BACE1: variants seen among roughly 807,000 people sequenced by gnomAD.
BACE1 encodes APP beta-secretase.
In BACE1, 21 loss-of-function variants were observed where a neutral mutation model predicts 54.0. That is an observed-to-expected ratio of 0.39 (90% CI 0.28 to 0.56). The LOEUF is 0.56. Among genes scored for constraint, BACE1 ranks in the 20% least tolerant of loss-of-function variants. The probability of loss-of-function intolerance (pLI) is 0.63; values close to 1 mark genes in which losing one functional copy is unlikely to be tolerated. For missense variants in BACE1, 511 were observed against 661.2 expected, an observed-to-expected ratio of 0.77 and a Z score of 2.49; for synonymous variants, 232 against 260.9, an observed-to-expected ratio of 0.89 and a Z score of 1.07.
chr11:117,289,226 AAAG>A lies in BACE1; in HGVS notation c.*337_*339del, dbSNP rs1434493208. 77 of 261,750 alleles carry A rather than the reference AAAG, an allele frequency of 2.9e-4. No homozygotes were observed. Among genetic ancestry groups the A allele is most frequent in the South Asian group, 7.7e-4 (11 of 14,322 alleles). 16.2% of individuals were successfully genotyped at this position (261,750 alleles called of 1,614,324 possible). Reference sequence around the variant, plus strand: ...GATGCCAGTACTTCTGAAACTAAGAAAAGAAGAATACTTTGGGTTGGAGAATTT... The same window carrying A: ...GATGCCAGTACTTCTGAAACTAAGAAAAGAATACTTTGGGTTGGAGAATTT... On this transcript the variant is annotated 3_prime_UTR_variant, in exon 9 of 9. Coordinates refer to ENST00000313005, the MANE Select transcript of BACE1 (RefSeq NM_012104.6).
At chr11:117,301,559 T>C (rs2034726266) in intron 1 of BACE1, among the ~76,000 whole-genome samples, 2 of 151,180 alleles carry the variant, frequency 1.3e-5, no homozygotes, top group Non-Finnish European at 2.9e-5. Flanking sequence ...CAGTGAACCA[T>C]GATTGTGCCA....
intron 6 of BACE1, 104 bp downstream of exon 6, chr11:117,291,608 A>G: frequency 1.2e-6 from 1 of 805,032 alleles, no homozygotes; most frequent in Non-Finnish European, 2.1e-6. Flanking sequence ...TCTGAGTAGA[A>G]GGGTCTAAGT....
intron 5 of BACE1, 194 bp from the exon 6 acceptor site, chr11:117,292,007 A>G (rs2034453820): frequency 2.3e-6 from 1 of 439,266 alleles, no homozygotes; most frequent in African/African-American, 2.0e-5. Context: ...AATAGCACCT[A>G]CCTCAAAGGG....
intron 1 of BACE1, among the ~76,000 whole-genome samples, chr11:117,311,507 C>A (rs1460594724): frequency 6.6e-6 from 1 of 152,148 alleles, no homozygotes; most frequent in Non-Finnish European, 1.5e-5. Flanking sequence ...CCTGCCCTGG[C>A]ACGTTCTCTG....
intron 1 of BACE1, among the ~76,000 whole-genome samples, chr11:117,299,078 C>T (rs1034327133): frequency 1.1e-4 from 16 of 152,162 alleles, no homozygotes; most frequent in African/African-American, 3.9e-4. Flanking sequence ...AGTGCTGAGG[C>T]GTGAGCTACC....
chr11:117,307,372 CAT>C, intron 1 of BACE1, among the ~76,000 whole-genome samples: 2 of 152,280 alleles, frequency 1.3e-5, no homozygotes, highest in African/African-American at 4.8e-5. Flanking sequence ...AGTGCAGTGG[CAT>C]GATGTTGGCT....
At chr11:117,302,105 G>A (rs1014697842) in intron 1 of BACE1, among the ~76,000 whole-genome samples, 36 of 152,092 alleles carry the variant, frequency 2.4e-4, no homozygotes, top group Non-Finnish European at 1.8e-4. Flanking sequence ...AGGCTGAGGT[G>A]GTTGGATCAC....
At chr11:117,309,387 A>C (rs1400658358) in intron 1 of BACE1, among the ~76,000 whole-genome samples, 1 of 152,172 alleles carries the variant, frequency 6.6e-6, no homozygotes, top group Non-Finnish European at 1.5e-5. Context: ...TTCTCACCAC[A>C]GTTCACGCTT....
chr11:117,298,163 G>A (rs769702361), intron 1 of BACE1, among the ~76,000 whole-genome samples: 11 of 152,038 alleles, frequency 7.2e-5, no homozygotes, highest in Non-Finnish European at 1.6e-4. Flanking sequence ...TTAGCCGGGT[G>A]TGGTGACGCA....
chr11:117,299,504 T>G (rs1055618558), intron 1 of BACE1: 7 of 278,498 alleles, frequency 2.5e-5, no homozygotes, highest in African/African-American at 1.6e-4. Flanking sequence ...CCTCCCCCAG[T>G]GCCTGCTTAG....
chr11:117,306,102 A>G (rs913059049), intron 1 of BACE1, among the ~76,000 whole-genome samples: 7 of 152,298 alleles, frequency 4.6e-5, no homozygotes, highest in African/African-American at 1.7e-4. Context: ...TTCCAATTGT[A>G]TGCAGGATCC....
chr11:117,309,688 A>G (rs2034905150), intron 1 of BACE1, among the ~76,000 whole-genome samples: 1 of 152,166 alleles, frequency 6.6e-6, no homozygotes, highest in Non-Finnish European at 1.5e-5. Flanking sequence ...GGTTTTGTGT[A>G]ATATTTAGGT....
chr11:117,289,862 A>G, intron 8 of BACE1, 55 bp from the exon 9 acceptor site: 1 of 1,515,316 alleles, frequency 6.6e-7, no homozygotes, highest in South Asian at 1.1e-5. Context: ...AGGAGTTAAC[A>G]AAAAGAACTT....
intron 1 of BACE1, among the ~76,000 whole-genome samples, chr11:117,299,079 G>T (rs1335080098): frequency 6.6e-6 from 1 of 152,048 alleles, no homozygotes; most frequent in Non-Finnish European, 1.5e-5. Flanking sequence ...GTGCTGAGGC[G>T]TGAGCTACCA....
chr11:117,290,241 GT>G lies in BACE1; in HGVS notation c.1264+246del, dbSNP rs1290572366. On this transcript the variant is annotated intron_variant, in intron 8 of 8. Coordinates refer to ENST00000313005, the MANE Select transcript of BACE1 (RefSeq NM_012104.6). ...ACCCTTGCATCAAGAGCTTCCCAAG[GT>G]ACCCAGGTAACTCTTGCTGCTCTGG... Among the ~76,000 whole-genome samples, 9 of 152,240 alleles carry G rather than the reference GT, an allele frequency of 5.9e-5. No homozygotes were observed. The East Asian group carries it at 1.5e-3, about 26-fold the overall frequency.
chr11:117,306,071 C>T (rs1479629138), intron 1 of BACE1, among the ~76,000 whole-genome samples: 1 of 152,102 alleles, frequency 6.6e-6, no homozygotes, highest in Admixed American at 6.6e-5. Flanking sequence ...AAAAATAAAG[C>T]AGCGGAATCC....
intron 3 of BACE1, among the ~76,000 whole-genome samples, chr11:117,294,687 C>T (rs1391780706): frequency 2.0e-5 from 3 of 151,502 alleles, no homozygotes; most frequent in Non-Finnish European, 4.4e-5. Flanking sequence ...AGTTCGAGAC[C>T]AGCCTGGCTA....
At chr11:117,290,384 T>G in intron 8 of BACE1, 104 bp downstream of exon 8, 1 of 1,419,688 alleles carries the variant, frequency 7.0e-7, no homozygotes, top group Non-Finnish European at 9.5e-7. Flanking sequence ...AGGCAACTGT[T>G]ACTACCCTCC....
chr11:117,313,658 G>A (rs947077929), intron 1 of BACE1, among the ~76,000 whole-genome samples: 23 of 152,086 alleles, frequency 1.5e-4, no homozygotes, highest in African/African-American at 5.6e-4. Context: ...AGCTGGTCTC[G>A]AACTCCTGAC....
Sources: gnomAD v4.1 joint callset for allele counts (sites outside exome capture counted in the v4.1 genomes callset) on GRCh38, gnomAD v4.1.1 for gene constraint, MANE v1.5 for transcripts, NCBI Gene and HGNC (gene_info 2026-07-23, HGNC 2026-07-21) for gene names.